The following CTNNA3 variants were observed in gnomAD, a reference collection of about 807,000 sequenced individuals.
CTNNA3 encodes catenin alpha-3.
CTNNA3 carries 76 observed loss-of-function variants against 95.7 expected under a neutral mutation model. The ratio of observed to expected loss-of-function variants is 0.79; its 90% CI spans 0.66 to 0.96. CTNNA3 has a LOEUF of 0.96. Among genes scored for constraint, CTNNA3 ranks in the 40% least tolerant of loss-of-function variants. CTNNA3 has a pLI of 0.00. For missense variants in CTNNA3, 1,191 were observed against 1,089.8 expected, an observed-to-expected ratio of 1.09 and a Z score of -1.31; for synonymous variants, 431 against 374.4, an observed-to-expected ratio of 1.15 and a Z score of -1.74.
At chr10:66,588,966 CA>C (rs1451626750) in intron 10 of CTNNA3, among the ~76,000 whole-genome samples, 1 of 151,944 alleles carries the variant, frequency 6.6e-6, no homozygotes, top group African/African-American at 2.4e-5. Flanking sequence ...TATAAAAACC[CA>C]AAATTTAACT....
chr10:65,933,286 A>T (rs1407569739), intron 17 of CTNNA3, among the ~76,000 whole-genome samples: 1 of 152,212 alleles, frequency 6.6e-6, no homozygotes, highest in Non-Finnish European at 1.5e-5. Context: ...TGATAGTAAT[A>T]ATAATAGTTC....
intron 12 of CTNNA3, among the ~76,000 whole-genome samples, chr10:66,369,963 C>A (rs2092741585): frequency 6.6e-6 from 1 of 152,004 alleles, no homozygotes; most frequent in South Asian, 2.1e-4. Context: ...GCATGAAAGA[C>A]ATAGTTGGGA....
At chr10:66,720,681 A>C (rs1848600531) in intron 9 of CTNNA3, among the ~76,000 whole-genome samples, 1 of 152,062 alleles carries the variant, frequency 6.6e-6, no homozygotes, top group African/African-American at 2.4e-5. Flanking sequence ...AAAAATACAA[A>C]AAAATAGCTG....
intron 13 of CTNNA3, among the ~76,000 whole-genome samples, chr10:66,266,630 C>T (rs1589894439): frequency 1.3e-5 from 2 of 152,124 alleles, no homozygotes; most frequent in East Asian, 3.9e-4. Flanking sequence ...TCAATCCCTT[C>T]ACCTTGGCTG....
intron 10 of CTNNA3, among the ~76,000 whole-genome samples, chr10:66,553,951 A>C (rs1842310445): frequency 6.6e-6 from 1 of 152,102 alleles, no homozygotes; most frequent in African/African-American, 2.4e-5. Flanking sequence ...TTATAATTTA[A>C]ATTTGGCAAA....
intron 14 of CTNNA3, among the ~76,000 whole-genome samples, chr10:66,091,202 T>C (rs1298547446): frequency 6.6e-6 from 1 of 151,974 alleles, no homozygotes; most frequent in Non-Finnish European, 1.5e-5. Flanking sequence ...GCCAGATGTC[T>C]ACCACAAACA....
chr10:67,322,323 C>T lies in CTNNA3; in HGVS notation c.580-102453G>A, dbSNP rs146976710. ...TTGTTGTAGAGATTATTTCATCACCCAGGTATTAAGTTCAGTACCCAGTGG... is the reference window on the plus strand; with the variant it reads ...TTGTTGTAGAGATTATTTCATCACCTAGGTATTAAGTTCAGTACCCAGTGG... On this transcript the variant is annotated intron_variant, in intron 5 of 17. Transcript: ENST00000433211. Among the ~76,000 whole-genome samples the T allele has an allele frequency of 6.1e-3, 930 of 152,144 alleles. 7 individuals are homozygous for T. The highest frequency in any genetic ancestry group is 0.021 in the African/African-American group (875 of 41,500).
At chr10:67,446,844 G>A (rs1312315226) in intron 5 of CTNNA3, among the ~76,000 whole-genome samples, 6 of 152,198 alleles carry the variant, frequency 3.9e-5, no homozygotes, top group East Asian at 1.9e-4. Flanking sequence ...GGTGGCTCAC[G>A]GCTGTAATCC....
chr10:66,965,721 C>T (rs1157369636), intron 7 of CTNNA3, among the ~76,000 whole-genome samples: 1 of 151,966 alleles, frequency 6.6e-6, no homozygotes, highest in African/African-American at 2.4e-5. Context: ...TTCTCTCTTC[C>T]TTCCATCTTC....
chr10:66,776,247 G>A (rs1840294334), intron 7 of CTNNA3, among the ~76,000 whole-genome samples: 1 of 152,050 alleles, frequency 6.6e-6, no homozygotes, highest in Admixed American at 6.5e-5. Flanking sequence ...CATACTTTTT[G>A]CAGTGATATC....
At chr10:67,526,565 A>G (rs1840152169) in intron 4 of CTNNA3, among the ~76,000 whole-genome samples, 1 of 152,228 alleles carries the variant, frequency 6.6e-6, no homozygotes, top group Non-Finnish European at 1.5e-5. Context: ...TCTATAACAC[A>G]GGACAAATTG....
intron 5 of CTNNA3, among the ~76,000 whole-genome samples, chr10:67,226,650 A>C (rs1230238116): frequency 6.6e-6 from 1 of 152,216 alleles, no homozygotes. Context: ...GGAAAGATAC[A>C]GTCTTTTTCA....
At chr10:65,924,880 G>A (rs970831774) in intron 17 of CTNNA3, among the ~76,000 whole-genome samples, 2 of 152,318 alleles carry the variant, frequency 1.3e-5, no homozygotes, top group East Asian at 3.9e-4. Flanking sequence ...TGGCAGGCAA[G>A]AGAGTGTGTG....
chr10:67,161,680 TACC>T lies in CTNNA3; in HGVS notation c.1047+18634_1047+18636del, dbSNP rs1861557583. On this transcript the variant is annotated intron_variant, in intron 7 of 17. Transcript: ENST00000433211. ...AGGTAGATAGATTAGACATAATCCTTACCACATCAATAATTACTTAATATACAT... is the reference window on the plus strand; with the variant it reads ...AGGTAGATAGATTAGACATAATCCTTACATCAATAATTACTTAATATACAT... Among the ~76,000 whole-genome samples, 3 of 152,034 alleles carry T rather than the reference TACC, an allele frequency of 2.0e-5. No individual in the cohort carries two copies. In the South Asian group the frequency reaches 6.2e-4, roughly 32 times the overall value.
At chr10:66,084,132 T>C (rs118118121) in intron 14 of CTNNA3, among the ~76,000 whole-genome samples, 1,244 of 73,554 alleles carry the variant, frequency 0.017, 14 homozygotes, top group Non-Finnish European at 0.027. Flanking sequence ...CGAAACTTCA[T>C]CTCAAAAAAA....
chr10:66,940,163 C>T (rs951992398), intron 7 of CTNNA3, among the ~76,000 whole-genome samples: 6 of 152,196 alleles, frequency 3.9e-5, no homozygotes, highest in East Asian at 3.9e-4. Flanking sequence ...AGATGGAAAA[C>T]GTTGTTCTGA....
chr10:67,704,449 C>A lies in CTNNA3; in HGVS notation c.-1-56935G>T, dbSNP rs868057412. On this transcript the variant is annotated intron_variant, in intron 1 of 17. Transcript: ENST00000684154. Reference sequence around the variant, plus strand: ...CAGAGATATAGATCAATGGAACAGACCAGAGCCCTCAGAAATAACGCCACA... The same window carrying A: ...CAGAGATATAGATCAATGGAACAGAACAGAGCCCTCAGAAATAACGCCACA... Among the ~76,000 whole-genome samples the A allele has an allele frequency of 1.4e-3, 203 of 150,264 alleles. 1 individual carries two copies. The highest frequency in any genetic ancestry group is 7.2e-3 in the Middle Eastern group (2 of 278).
chr10:66,759,252 G>A (rs1360085371), intron 9 of CTNNA3, among the ~76,000 whole-genome samples: 2 of 152,124 alleles, frequency 1.3e-5, no homozygotes, highest in African/African-American at 4.8e-5. Context: ...TGTCCACACT[G>A]TGTGGCATTT....
chr10:66,693,966 G>T (rs1264178137), intron 9 of CTNNA3, among the ~76,000 whole-genome samples: 3 of 151,994 alleles, frequency 2.0e-5, no homozygotes, highest in Non-Finnish European at 4.4e-5. Flanking sequence ...AAAGCAGTGT[G>T]TAGAGGGAAA....
Sources: allele counts gnomAD v4.1 joint callset (sites outside exome capture counted in the v4.1 genomes callset), GRCh38; gene constraint gnomAD v4.1.1; transcripts MANE v1.5; gene names NCBI Gene and HGNC (gene_info 2026-07-23, HGNC 2026-07-21).